Variants in STPG2 observed in about 807,000 individuals in gnomAD.
The protein encoded by STPG2 is sperm tail PG-rich repeat containing 2, also known as sperm-tail PG-rich repeat-containing protein 2.
A neutral mutation model predicts 54.2 loss-of-function variants in STPG2; 56 were observed. The ratio of observed to expected loss-of-function variants is 1.03; its 90% CI spans 0.83 to 1.29. The LOEUF (loss-of-function observed/expected upper bound fraction) is 1.29, where lower values mean the gene tolerates loss of function less well. Among genes scored for constraint, STPG2 ranks in the 50% most tolerant of loss-of-function variants. The probability of loss-of-function intolerance (pLI) is 0.00; values close to 1 mark genes in which losing one functional copy is unlikely to be tolerated. For missense variants in STPG2, 596 were observed against 544.9 expected (o/e 1.09, Z -0.93); for synonymous variants, 200 against 181.8 (o/e 1.10, Z -0.81).
chr4:97,771,419 A>C (rs1425225069), intron 9 of STPG2, among the ~76,000 whole-genome samples: 1 of 152,120 alleles, frequency 6.6e-6, no homozygotes, highest in African/African-American at 2.4e-5. Flanking sequence ...ACCTTTGTGG[A>C]GAAAGTGAAG....
intron 9 of STPG2, among the ~76,000 whole-genome samples, chr4:97,762,126 G>A (rs1236603464): frequency 6.6e-6 from 1 of 152,136 alleles, no homozygotes; most frequent in African/African-American, 2.4e-5. Flanking sequence ...ATTTGTATCA[G>A]TGAAGCTAAT....
chr4:97,739,604 G>C (rs534554774), intron 9 of STPG2, among the ~76,000 whole-genome samples: 140 of 152,292 alleles, frequency 9.2e-4, no homozygotes, highest in South Asian at 8.5e-3. Context: ...AAATAAACTA[G>C]AAAATCTTGA....
chr4:97,545,339 G>C (rs912242607), intron 4 of STPG2, among the ~76,000 whole-genome samples: 4 of 152,090 alleles, frequency 2.6e-5, no homozygotes, highest in African/African-American at 9.7e-5. Flanking sequence ...AGGAAGCTTT[G>C]GAAATGGGTT....
At chr4:98,029,487 T>G (rs983896068) in intron 5 of STPG2, among the ~76,000 whole-genome samples, 1 of 152,222 alleles carries the variant, frequency 6.6e-6, no homozygotes, top group Non-Finnish European at 1.5e-5. Context: ...GATACTAATA[T>G]AGCCACTACA....
chr4:97,689,216 G>T (rs1723288999), intron 10 of STPG2, among the ~76,000 whole-genome samples: 1 of 152,046 alleles, frequency 6.6e-6, no homozygotes, highest in Admixed American at 6.5e-5. Context: ...TTTATAAAAA[G>T]CTACTTATCC....
intron 9 of STPG2, among the ~76,000 whole-genome samples, chr4:97,787,490 A>G (rs1428705082): frequency 6.6e-6 from 1 of 152,042 alleles, no homozygotes; most frequent in Admixed American, 6.6e-5. Context: ...TGATGTGAAT[A>G]TATTTAACCT....
intron 9 of STPG2, among the ~76,000 whole-genome samples, chr4:97,752,464 A>G (rs1725607026): frequency 1.3e-5 from 2 of 151,750 alleles, no homozygotes; most frequent in African/African-American, 4.8e-5. Context: ...TTATTACTTC[A>G]CTTTAATCTA....
At position 97,865,857 on chromosome 4, in the gene STPG2, T is replaced by G. The variant is rs182691701; in HGVS notation, c.1045-24925A>C. Among the ~76,000 whole-genome samples the G allele has an allele frequency of 4.0e-5, 6 of 151,648 alleles. No individual in the cohort carries two copies. In the East Asian group the frequency reaches 1.2e-3, roughly 29 times the overall value. On this transcript the variant is annotated intron_variant, in intron 8 of 10. Transcript: ENST00000295268. ...TAGACCTTAAAGTATAATAAAAATA[T>G]ATATATATTTAAAAAAGAAAATGTG...
chr4:97,575,128 A>C (rs2148886549), intron 10 of STPG2, among the ~76,000 whole-genome samples: 1 of 152,134 alleles, frequency 6.6e-6, no homozygotes, highest in East Asian at 1.9e-4. Context: ...GAGTTCCAAA[A>C]TTGAATCAGT....
At chr4:97,693,885 T>C (rs1486050194) in intron 10 of STPG2, among the ~76,000 whole-genome samples, 4 of 152,054 alleles carry the variant, frequency 2.6e-5, no homozygotes, top group African/African-American at 7.2e-5. Flanking sequence ...TGCAAATACA[T>C]GGAAATTAAA....
At chr4:97,856,382 T>C (rs1273061320) in intron 8 of STPG2, among the ~76,000 whole-genome samples, 1 of 152,188 alleles carries the variant, frequency 6.6e-6, no homozygotes, top group Non-Finnish European at 1.5e-5. Flanking sequence ...TCACTTCCCA[T>C]GTTAGCTGTA....
chr4:97,445,958 T>C (rs892141179), intron 4 of STPG2, among the ~76,000 whole-genome samples: 2 of 152,216 alleles, frequency 1.3e-5, no homozygotes, highest in Admixed American at 6.5e-5. Context: ...CAGTCTTATC[T>C]TACAAAAACC....
chr4:98,001,874 T>C (rs1013440619), intron 5 of STPG2, among the ~76,000 whole-genome samples: 1 of 152,156 alleles, frequency 6.6e-6, no homozygotes, highest in Non-Finnish European at 1.5e-5. Flanking sequence ...GAAATAACTA[T>C]AAAAATACAC....
intron 5 of STPG2, among the ~76,000 whole-genome samples, chr4:98,015,207 G>T (rs1387917779): frequency 6.6e-6 from 1 of 152,020 alleles, no homozygotes; most frequent in Admixed American, 6.6e-5. Flanking sequence ...ATAGACAAAT[G>T]GGATCTAATT....
intron 9 of STPG2, among the ~76,000 whole-genome samples, chr4:97,743,886 A>G (rs960127071): frequency 2.6e-5 from 4 of 151,560 alleles, no homozygotes; most frequent in Admixed American, 1.3e-4. Context: ...AGGTGCAAGT[A>G]TTCATAGGTG....
chr4:97,918,826 G>T (rs1317341647), intron 8 of STPG2, among the ~76,000 whole-genome samples: 1 of 152,122 alleles, frequency 6.6e-6, no homozygotes, highest in Non-Finnish European at 1.5e-5. Flanking sequence ...AAGGGTGGGA[G>T]ACAGGTGAGG....
At chr4:98,056,610 C>A (rs1485943299) in intron 5 of STPG2, among the ~76,000 whole-genome samples, 1 of 151,856 alleles carries the variant, frequency 6.6e-6, no homozygotes, top group Non-Finnish European at 1.5e-5. Context: ...ATCAAACCCT[C>A]CAGGTCATCA....
At chr4:97,719,032 A>T (rs1724371762) in intron 9 of STPG2, among the ~76,000 whole-genome samples, 1 of 151,982 alleles carries the variant, frequency 6.6e-6, no homozygotes, top group Non-Finnish European at 1.5e-5. Flanking sequence ...CAGATTAGGG[A>T]TGTTGAACTG....
At chr4:97,671,403 T>C (rs1039009590) in intron 10 of STPG2, among the ~76,000 whole-genome samples, 3 of 152,216 alleles carry the variant, frequency 2.0e-5, no homozygotes, top group Admixed American at 1.3e-4. Context: ...TATTTACCAA[T>C]AACATTTTTT....
Sources: gnomAD v4.1 joint callset for allele counts (sites outside exome capture counted in the v4.1 genomes callset) on GRCh38, gnomAD v4.1.1 for gene constraint, MANE v1.5 for transcripts, NCBI Gene and HGNC (gene_info 2026-07-23, HGNC 2026-07-21) for gene names.